The following SRSF6 variants were observed in gnomAD, a reference collection of about 807,000 sequenced individuals.
The protein encoded by SRSF6 is serine and arginine rich splicing factor 6.
Under a neutral mutation model 42.0 loss-of-function variants are expected in SRSF6, and 17 were observed. The ratio of observed to expected loss-of-function variants is 0.40; its 90% CI spans 0.28 to 0.61. SRSF6 has a LOEUF of 0.61. Ranked by LOEUF, SRSF6 falls within the 20% of genes least tolerant of loss-of-function variation. The pLI, the probability that SRSF6 is intolerant of heterozygous loss-of-function variation, is 0.37. For synonymous variants in SRSF6, 204 were observed against 166.7 expected (o/e 1.22, Z -1.72); for missense variants, 379 against 471.4 (o/e 0.80, Z 1.81).
rs1254484925 is a variant in SRSF6 at position 43,461,334 on chromosome 20, GTTGTTTTTTTTTTTTTTT to G, written c.*274_*291del. 29 of 56,490 alleles carry G rather than the reference GTTGTTTTTTTTTTTTTTT, an allele frequency of 5.1e-4. 4 individuals are homozygous for G. The highest frequency in any genetic ancestry group is 1.5e-3 in the East Asian group (2 of 1,338). 3.5% of individuals were successfully genotyped at this position (56,490 alleles called of 1,614,324 possible). A position where few individuals can be genotyped will look rare whatever the true frequency, so the allele number is the denominator to read the frequency against. The stretch of plus-strand genomic sequence containing the variant: ...TTTGTAAAGATTAAGCTCATTTAGT[GTTGTTTTTTTTTTTTTTT>G]TTTTTTTTTTTTTTTTTTTTTTAGT... On this transcript the variant is annotated 3_prime_UTR_variant, in exon 6 of 6. Transcript: ENST00000244020.
Position 43,457,897 on chromosome 20 carries a change from T to A in SRSF6, c.-137T>A. The A allele has an allele frequency of 3.3e-6, 2 of 606,790 alleles. No individual in the cohort carries two copies. Among genetic ancestry groups the A allele is most frequent in the East Asian group, 6.6e-5 (2 of 30,334 alleles). 37.6% of individuals were successfully genotyped at this position (606,790 alleles called of 1,614,324 possible). On this transcript the variant is annotated 5_prime_UTR_variant, in exon 1 of 6. It adds an upstream start codon to the 5' untranslated region. Coordinates refer to ENST00000244020, the MANE Select transcript of SRSF6 (RefSeq NM_006275.6). The stretch of plus-strand genomic sequence containing the variant: ...GAAAGCCTGGCGCGCGCGCGCGCCA[T>A]TGTGTGGCTGGACTCGGCCGCCCCT...
At chr20:43,459,742 C>G in intron 2 of SRSF6, 29 bp from the exon 3 acceptor site, 8 of 1,612,198 alleles carry the variant, frequency 5.0e-6, no homozygotes, top group Non-Finnish European at 6.8e-6. Context: ...CATTACAAGG[C>G]ATCTAATTGT....
At chr20:43,460,632 T>C in intron 5 of SRSF6, 34 bp downstream of exon 5, 1 of 1,613,828 alleles carries the variant, frequency 6.2e-7, no homozygotes, top group Non-Finnish European at 8.5e-7. Context: ...CTGTGAATAT[T>C]ACCGTACTTG....
chr20:43,458,553 G>A, intron 2 of SRSF6, 44 bp downstream of exon 2: 1 of 1,443,268 alleles, frequency 6.9e-7, no homozygotes, highest in Non-Finnish European at 9.0e-7. Context: ...GGGACCCTGG[G>A]GGCGGGGGTG....
Position 43,458,327 on chromosome 20 carries a change from C to T in SRSF6, c.108-34C>T, listed in dbSNP as rs200414612. 442 of 1,508,056 alleles carry T rather than the reference C, an allele frequency of 2.9e-4. 2 individuals are homozygous for T. The African/African-American group carries it at 5.6e-3, about 19-fold the overall frequency. The allele number at this position is 1,508,056 out of a possible 1,614,324, so 93.4% of individuals were successfully genotyped here. A position where few individuals can be genotyped will look rare whatever the true frequency, so the allele number is the denominator to read the frequency against. On this transcript the variant is annotated intron_variant, in intron 1 of 5. Transcript: ENST00000244020. ...ACGTGCGCGTCCTGGCTAACGACTC[C>T]CCCGCGGTTGTCCGGCCCTCGCACC... is the stretch of plus-strand genomic sequence containing the variant.
chr20:43,458,537 C>T lies in SRSF6; in HGVS notation c.256+28C>T, dbSNP rs1353342469. On this transcript the variant is annotated intron_variant, in intron 2 of 5. Transcript: ENST00000244020. ...GAGTCCCACCCCCGCGCGCTCCGCG[C>T]CCTTGGGGACCCTGGGGGCGGGGGT... 12 of 1,461,346 alleles carry T rather than the reference C, an allele frequency of 8.2e-6. No individual in the cohort carries two copies. The East Asian group carries it at 1.2e-4, about 14-fold the overall frequency. The allele number at this position is 1,461,346 out of a possible 1,614,324, so 90.5% of individuals were successfully genotyped here.
In SRSF6 at chr20:43,464,061, C is replaced by A. The variant is rs1333521057; in HGVS notation, c.*2998C>A. On this transcript the variant is annotated 3_prime_UTR_variant, in exon 6 of 6. Transcript: ENST00000244020. ...GCCCTGAGTAGTAGTCTGCAGTTTG[C>A]TTTAATACATGGTAATACAGAGATC... 1 of 152,190 alleles carries A rather than the reference C, an allele frequency of 6.6e-6. No individual in the cohort carries two copies. The highest frequency in any genetic ancestry group is 1.9e-4 in the East Asian group (1 of 5,202). 9.4% of individuals were successfully genotyped at this position (152,190 alleles called of 1,614,324 possible). A position where few individuals can be genotyped will look rare whatever the true frequency, so the allele number is the denominator to read the frequency against.
chr20:43,458,373 G>C lies in SRSF6; in HGVS notation c.120G>C (p.Val40=). ...GCACCGCCCCTAGGTACGGCTTCGT[G>C]GAGTTCGAGGACTCCCGCGACGCCG... ...EVDLKNGYGF[V]EFEDSRDADD... Residue 40 remains valine (V), a synonymous_variant, in exon 2 of 6, where the codon GTG becomes GTC. Transcript: ENST00000244020. The C allele has an allele frequency of 6.4e-7, 1 of 1,561,540 alleles. No homozygotes were observed. Among genetic ancestry groups the C allele is most frequent in the Non-Finnish European group, 8.6e-7 (1 of 1,158,338 alleles).
chr20:43,461,355 T>G lies in SRSF6; in HGVS notation c.*292T>G, dbSNP rs1476817411. 1.1e-3 allele frequency: 279 copies of G among 246,122 alleles called. 9 individuals carry two copies. Among genetic ancestry groups the G allele is most frequent in the African/African-American group, 6.5e-3 (260 of 39,818 alleles). 15.2% of individuals were successfully genotyped at this position (246,122 alleles called of 1,614,324 possible). ...TAGTGTTGTTTTTTTTTTTTTTTTT[T>G]TTTTTTTTTTTTTTTTTTTAGTATT... On this transcript the variant is annotated 3_prime_UTR_variant, in exon 6 of 6. Coordinates refer to ENST00000244020, the MANE Select transcript of SRSF6 (RefSeq NM_006275.6).
chr20:43,458,255 C>T (rs2017530516), intron 1 of SRSF6, 106 bp from the exon 2 acceptor site: 2 of 1,402,774 alleles, frequency 1.4e-6, no homozygotes, highest in Non-Finnish European at 9.3e-7. Context: ...TCAAAGATGG[C>T]GACGGCGCGG....
chr20:43,458,028 A>C lies in SRSF6; in HGVS notation c.-6A>C. ...ACCAGCCCTTGGGTCCCCGCCCGCC[A>C]CGGACATGCCGCGCGTCTACATAGG... is the stretch of plus-strand genomic sequence containing the variant. On this transcript the variant is annotated 5_prime_UTR_variant, in exon 1 of 6. Transcript: ENST00000244020. 1.2e-6 allele frequency: 2 copies of C among 1,609,362 alleles called. No homozygotes were observed. The highest frequency in any genetic ancestry group is 1.7e-6 in the Non-Finnish European group (2 of 1,178,134).
rs768331404 is a variant in SRSF6 at position 43,460,769 on chromosome 20, C to T, written c.741C>T (p.Ser247=). The change falls in exon 6 of 6, where the codon AGC becomes AGT. Residue 247 remains serine (S), a synonymous_variant. Coordinates refer to ENST00000244020, the MANE Select transcript of SRSF6 (RefSeq NM_006275.6). ...RSKGRKSRSK[S]KSKPKSDRGS... ...AAGGCAGGAAATCTAGATCAAAGAG[C>T]AAATCTAAGCCCAAGTCTGATCGGG... The T allele has an allele frequency of 1.2e-5, 19 of 1,613,996 alleles. No individual in the cohort carries two copies. The highest frequency in any genetic ancestry group is 1.6e-4 in the Middle Eastern group (1 of 6,082).
In SRSF6 at chr20:43,458,516, C is replaced by T. The variant is rs1393763169; in HGVS notation, c.256+7C>T. 1 of 1,488,198 alleles carries T rather than the reference C, an allele frequency of 6.7e-7. No individual in the cohort carries two copies. 92.2% of individuals were successfully genotyped at this position (1,488,198 alleles called of 1,614,324 possible). ...TACAGCTACGGAAGCCGCAGTGAGTCCCACCCCCGCGCGCTCCGCGCCCTT... is the reference window on the plus strand; with the variant it reads ...TACAGCTACGGAAGCCGCAGTGAGTTCCACCCCCGCGCGCTCCGCGCCCTT... On this transcript the variant is annotated splice_region_variant and intron_variant, in intron 2 of 5. Transcript: ENST00000244020.
rs117222808 is a variant in SRSF6 at position 43,460,018 on chromosome 20, A to C, written c.382-15A>C. ...TGTTTTAAGATTTCCGAGTCTGACC[A>C]ATCTTGTCTTTCAGGATTTTATGCG... On this transcript the variant is annotated splice_polypyrimidine_tract_variant and intron_variant, in intron 3 of 5. Coordinates refer to ENST00000244020, the MANE Select transcript of SRSF6 (RefSeq NM_006275.6). 0.029 allele frequency: 46,601 copies of C among 1,614,148 alleles called. 854 individuals carry two copies. Among genetic ancestry groups the C allele is most frequent in the Non-Finnish European group, 0.035 (41,131 of 1,179,970 alleles).
In SRSF6 at chr20:43,461,272, ATAACT is replaced by A. The variant is rs2017585705; in HGVS notation, c.*211_*215del. The A allele has an allele frequency of 1.6e-5, 7 of 439,656 alleles. No individual in the cohort carries two copies. The South Asian group carries it at 5.7e-4, about 36-fold the overall frequency. The allele number at this position is 439,656 out of a possible 1,614,324, so 27.2% of individuals were successfully genotyped here. On this transcript the variant is annotated 3_prime_UTR_variant, in exon 6 of 6. Coordinates refer to ENST00000244020, the MANE Select transcript of SRSF6 (RefSeq NM_006275.6). ...CCTCTCCCTTCTTTGTAGAATTAAG[ATAACT>A]TTGATTTTATAGCTTTTGAGCTAAC...
chr20:43,458,551 G>T, intron 2 of SRSF6, 42 bp downstream of exon 2: 2 of 1,445,466 alleles, frequency 1.4e-6, no homozygotes, highest in Non-Finnish European at 1.8e-6. Flanking sequence ...TGGGGACCCT[G>T]GGGGCGGGGG....
At position 43,460,112 on chromosome 20, in the gene SRSF6, G is replaced by A. The variant is rs1443638764; in HGVS notation, c.461G>A (p.Arg154His). The change falls in exon 4 of 6, where the codon CGC (arginine) becomes CAC (histidine). Residue 154 changes from arginine to histidine, a missense_variant. Around this residue, in one of 3 missense-constraint regions of SRSF6, gnomAD observed 43 missense variants for 108.5 expected, o/e 0.40. Coordinates refer to ENST00000244020, the MANE Select transcript of SRSF6 (RefSeq NM_006275.6). ...ERTNEGVIEF[R>H]SYSDMKRALD... ...ACAAATGAGGGTGTAATTGAGTTTC[G>A]CTCCTACTCTGACATGAAGCGTGCT... The A allele has an allele frequency of 3.7e-6, 6 of 1,614,154 alleles. No homozygotes were observed. The highest frequency in any genetic ancestry group is 5.1e-6 in the Non-Finnish European group (6 of 1,180,038).
rs2017585391 is a variant in SRSF6, at chr20:43,461,261, G to A, written c.*198G>A. 1 of 441,550 alleles carries A rather than the reference G, an allele frequency of 2.3e-6. No individual in the cohort carries two copies. The highest frequency in any genetic ancestry group is 2.2e-5 in the African/African-American group (1 of 44,902). 27.4% of individuals were successfully genotyped at this position (441,550 alleles called of 1,614,324 possible). A position where few individuals can be genotyped will look rare whatever the true frequency, so the allele number is the denominator to read the frequency against. On this transcript the variant is annotated 3_prime_UTR_variant, in exon 6 of 6. Transcript: ENST00000244020. The stretch of plus-strand genomic sequence containing the variant: ...GGCATGAAGACCCTCTCCCTTCTTT[G>A]TAGAATTAAGATAACTTTGATTTTA...
intron 2 of SRSF6, chr20:43,459,524 C>T (rs1367383221): frequency 6.1e-6 from 8 of 1,315,054 alleles, no homozygotes; most frequent in African/African-American, 4.5e-5. Flanking sequence ...TAAAACTTAG[C>T]GAGGTAAATC....
Sources: allele counts gnomAD v4.1 joint callset, GRCh38; gene constraint gnomAD v4.1.1; regional missense constraint gnomAD v4.1.1; transcripts MANE v1.5; gene names NCBI Gene and HGNC (gene_info 2026-07-23, HGNC 2026-07-21).